RPIA: variants seen among roughly 807,000 people sequenced by gnomAD.
The protein encoded by RPIA is ribose-5-phosphate isomerase.
In RPIA, 29 loss-of-function variants were observed where a neutral mutation model predicts 37.8. The observed-to-expected ratio is 0.77, with a 90% confidence interval of 0.57 to 1.05. The LOEUF (loss-of-function observed/expected upper bound fraction) is 1.05. RPIA is among the 50% of genes least tolerant of loss of function. The pLI, the probability that RPIA is intolerant of heterozygous loss-of-function variation, is 0.00. For missense variants in RPIA, 385 were observed against 413.6 expected, an observed-to-expected ratio of 0.93 and a Z score of 0.60; for synonymous variants, 167 against 157.0, an observed-to-expected ratio of 1.06 and a Z score of -0.48.
intron 3 of RPIA, among the ~76,000 whole-genome samples, chr2:88,709,937 G>T (rs924987157): frequency 6.6e-6 from 1 of 152,184 alleles, no homozygotes. Context: ...CGTCCTGGGG[G>T]ACTAAACTAC....
intron 3 of RPIA, among the ~76,000 whole-genome samples, chr2:88,721,933 C>T (rs78588979): frequency 0.065 from 9,689 of 150,096 alleles, 564 homozygotes; most frequent in African/African-American, 0.15. Context: ...CCAGAAAGAC[C>T]ATTATAATTT....
intron 1 of RPIA, among the ~76,000 whole-genome samples, chr2:88,696,002 T>C (rs1672741082): frequency 6.6e-6 from 1 of 152,068 alleles, no homozygotes; most frequent in Non-Finnish European, 1.5e-5. Flanking sequence ...GTAGTCAGGC[T>C]TTGAGAAGGA....
At chr2:88,733,917 C>G (rs1330694238) in intron 4 of RPIA, among the ~76,000 whole-genome samples, 1 of 152,112 alleles carries the variant, frequency 6.6e-6, no homozygotes, top group Non-Finnish European at 1.5e-5. Flanking sequence ...GTGGAGCTTC[C>G]TAATAGAGGG....
intron 1 of RPIA, among the ~76,000 whole-genome samples, chr2:88,693,124 G>A (rs907122581): frequency 6.6e-6 from 1 of 152,216 alleles, no homozygotes; most frequent in African/African-American, 2.4e-5. Context: ...GAGACAATAA[G>A]CTGAAATTTC....
rs1351436342 is a variant in RPIA, at chr2:88,692,083, A to AG, written c.285+103dup. On this transcript the variant is annotated intron_variant, in intron 1 of 8. Coordinates refer to ENST00000283646, the MANE Select transcript of RPIA (RefSeq NM_144563.3). ...TGCCGGGGCGCGCCTAGCTCCTGGC[A>AG]GGGCGGGAGCTGAGTGAGAGGGTAG... is the stretch of plus-strand genomic sequence containing the variant. The AG allele has an allele frequency of 3.5e-6, 5 of 1,435,434 alleles. No individual in the cohort carries two copies. In the African/African-American group the frequency reaches 5.6e-5, roughly 16 times the overall value. The allele number at this position is 1,435,434 out of a possible 1,614,324, so 88.9% of individuals were successfully genotyped here.
intron 3 of RPIA, among the ~76,000 whole-genome samples, chr2:88,708,597 T>A (rs923981904): frequency 6.6e-6 from 1 of 152,176 alleles, no homozygotes; most frequent in African/African-American, 2.4e-5. Flanking sequence ...ATAAAGTTGG[T>A]TCATATAAAT....
Position 88,721,707 on chromosome 2 carries a change from A to T in RPIA, c.403-7571A>T, listed in dbSNP as rs185510929. On this transcript the variant is annotated intron_variant, in intron 3 of 8. Transcript: ENST00000283646. ...CATATACACCATGGAATGCAGCCAT[A>T]AAAAAGGATGAGTTCATATATATTA... 1.3e-5 allele frequency among the ~76,000 whole-genome samples: 2 copies of T among 149,080 alleles called. 1 individual carries two copies. The highest frequency in any genetic ancestry group is 1.3e-4 in the Admixed American group (2 of 14,892).
intron 3 of RPIA, among the ~76,000 whole-genome samples, chr2:88,707,769 T>C (rs17838439): frequency 0.28 from 42,991 of 152,068 alleles, 6,230 homozygotes; most frequent in Admixed American, 0.32. Context: ...GTATAGTAAG[T>C]GTATAGTAAG....
At chr2:88,748,833 C>T (rs960408557) in intron 8 of RPIA, among the ~76,000 whole-genome samples, 4 of 152,134 alleles carry the variant, frequency 2.6e-5, no homozygotes, top group African/African-American at 9.7e-5. Context: ...ACCTCAGCCT[C>T]CTGAGTAGCT....
intron 3 of RPIA, among the ~76,000 whole-genome samples, chr2:88,712,712 A>G (rs1370258332): frequency 6.6e-6 from 1 of 151,952 alleles, no homozygotes; most frequent in Non-Finnish European, 1.5e-5. Flanking sequence ...TGGGTATCCC[A>G]CTTCATCAAT....
intron 3 of RPIA, among the ~76,000 whole-genome samples, chr2:88,706,192 T>TA (rs1672894901): frequency 6.6e-6 from 1 of 152,126 alleles, no homozygotes; most frequent in African/African-American, 2.4e-5. Context: ...GACTCAGCAA[T>TA]CCCATTGCTG....
At chr2:88,743,701 T>A (rs1331036665) in intron 8 of RPIA, among the ~76,000 whole-genome samples, 1 of 152,162 alleles carries the variant, frequency 6.6e-6, no homozygotes, top group Non-Finnish European at 1.5e-5. Context: ...AATTACTGTT[T>A]CAGTGTCGCT....
chr2:88,736,538 A>G lies in RPIA; in HGVS notation c.600A>G (p.Lys200=). 6.2e-7 allele frequency: 1 copy of G among 1,614,166 alleles called. No homozygotes were observed. The highest frequency in any genetic ancestry group is 8.5e-7 in the Non-Finnish European group (1 of 1,180,032). ...SRFIVIADFR[K]DSKNLGDQWH... ...CTTTCTGACTCCTTCTTTCCAGGAA[A>G]GATTCGAAGAATCTCGGGGATCAGT... Residue 200 remains lysine, a synonymous_variant, in exon 7 of 9, where the codon AAA becomes AAG. Transcript: ENST00000283646.
intron 3 of RPIA, among the ~76,000 whole-genome samples, chr2:88,701,726 C>T (rs1363513839): frequency 1.3e-5 from 2 of 152,188 alleles, no homozygotes. Flanking sequence ...GGAGCGTGTC[C>T]CTTTCTGTTG....
At chr2:88,741,732 C>T (rs1673385664) in intron 8 of RPIA, among the ~76,000 whole-genome samples, 2 of 152,148 alleles carry the variant, frequency 1.3e-5, no homozygotes, top group Admixed American at 1.3e-4. Flanking sequence ...TGCATCCATG[C>T]CAACATCTAT....
At chr2:88,697,999 T>A (rs1307546945) in intron 1 of RPIA, among the ~76,000 whole-genome samples, 1 of 152,070 alleles carries the variant, frequency 6.6e-6, no homozygotes, top group Non-Finnish European at 1.5e-5. Context: ...GGCTCTATTG[T>A]TTTTTCTTAG....
chr2:88,697,417 C>A (rs918927350), intron 1 of RPIA, among the ~76,000 whole-genome samples: 13 of 152,248 alleles, frequency 8.5e-5, no homozygotes, highest in Non-Finnish European at 1.9e-4. Context: ...CTTTGCCTTG[C>A]AAAGGCAGGA....
chr2:88,699,678 G>A (rs528652642), intron 2 of RPIA, among the ~76,000 whole-genome samples: 62 of 152,192 alleles, frequency 4.1e-4, no homozygotes, highest in African/African-American at 1.3e-3. Flanking sequence ...TGCAAAATGC[G>A]GAAAATAATT....
intron 3 of RPIA, among the ~76,000 whole-genome samples, chr2:88,706,563 G>C (rs996173611): frequency 3.3e-5 from 5 of 152,012 alleles, no homozygotes; most frequent in African/African-American, 1.2e-4. Context: ...GGGGGGTGTG[G>C]GGGGAGGGAG....
Sources: gnomAD v4.1 joint callset for allele counts (sites outside exome capture counted in the v4.1 genomes callset) on GRCh38, gnomAD v4.1.1 for gene constraint, MANE v1.5 for transcripts, NCBI Gene and HGNC (gene_info 2026-07-23, HGNC 2026-07-21) for gene names.